The following CCSER1 variants were observed in gnomAD, a reference collection of about 807,000 sequenced individuals.
CCSER1 encodes the protein serine-rich coiled-coil domain-containing protein 1.
Under a neutral mutation model 82.0 loss-of-function variants are expected in CCSER1, and 41 were observed. The ratio of observed to expected loss-of-function variants is 0.50; its 90% CI spans 0.39 to 0.65. CCSER1 has a LOEUF of 0.65. Among genes scored for constraint, CCSER1 ranks in the 30% least tolerant of loss-of-function variants. CCSER1 has a pLI of 0.00. For synonymous variants in CCSER1, 414 were observed against 383.9 expected (o/e 1.08, Z -0.92); for missense variants, 1,119 against 1,064.2 (o/e 1.05, Z -0.72).
chr4:90,130,568 T>G (rs1354185601), intron 1 of CCSER1, among the ~76,000 whole-genome samples: 6 of 152,216 alleles, frequency 3.9e-5, no homozygotes, highest in Admixed American at 2.0e-4. Flanking sequence ...CTGGATATTT[T>G]GCAGAGTGCA....
At chr4:91,294,405 C>G (rs1744002612) in intron 10 of CCSER1, among the ~76,000 whole-genome samples, 1 of 151,696 alleles carries the variant, frequency 6.6e-6, no homozygotes, top group African/African-American at 2.4e-5. Context: ...AAACCTTGTC[C>G]CATTTTAAAA....
intron 10 of CCSER1, among the ~76,000 whole-genome samples, chr4:91,086,317 AACTG>A (rs919738728): frequency 3.3e-5 from 5 of 152,100 alleles, no homozygotes; most frequent in Admixed American, 2.6e-4. Flanking sequence ...CAATTTTTAA[AACTG>A]ACTTACTGAG....
chr4:90,265,860 G>A (rs1255205817), intron 1 of CCSER1, among the ~76,000 whole-genome samples: 4 of 152,036 alleles, frequency 2.6e-5, no homozygotes, highest in South Asian at 2.1e-4. Flanking sequence ...ATCACATCCT[G>A]AGACTCTGCT....
intron 9 of CCSER1, among the ~76,000 whole-genome samples, chr4:90,998,581 A>G (rs998259756): frequency 1.3e-5 from 2 of 152,232 alleles, no homozygotes; most frequent in African/African-American, 4.8e-5. Context: ...AAATGATTAT[A>G]TGAAATACAT....
chr4:90,156,974 G>T (rs973291411), intron 1 of CCSER1, among the ~76,000 whole-genome samples: 1 of 152,148 alleles, frequency 6.6e-6, no homozygotes, highest in Non-Finnish European at 1.5e-5. Context: ...AGCCTCGATG[G>T]TTTTTACAAT....
In CCSER1 at chr4:91,438,750, G is replaced by A. The variant is rs562901902; in HGVS notation, c.2218-159822G>A. ...AACTTTCAAAAAAATTTAGACAAAT[G>A]TATAACTAGAATAACCAATACAGAG... On this transcript the variant is annotated intron_variant, in intron 10 of 10. Transcript: ENST00000509176. 2.0e-5 allele frequency among the ~76,000 whole-genome samples: 3 copies of A among 152,272 alleles called. No individual in the cohort carries two copies. The South Asian group carries it at 6.2e-4, about 32-fold the overall frequency.
intron 3 of CCSER1, among the ~76,000 whole-genome samples, chr4:90,323,843 C>T (rs1184197244): frequency 2.6e-5 from 4 of 152,122 alleles, no homozygotes; most frequent in African/African-American, 9.7e-5. Context: ...CAACAGTCCC[C>T]AGAGTGTGAT....
chr4:90,225,615 T>C (rs1008675889), intron 1 of CCSER1, among the ~76,000 whole-genome samples: 2 of 152,178 alleles, frequency 1.3e-5, no homozygotes, highest in African/African-American at 4.8e-5. Context: ...AACTAGTCTT[T>C]GGTCTTATAG....
intron 5 of CCSER1, among the ~76,000 whole-genome samples, chr4:90,536,809 G>C (rs1031852226): frequency 1.3e-5 from 2 of 152,050 alleles, no homozygotes; most frequent in Admixed American, 1.3e-4. Context: ...TACCTTACAT[G>C]GTTATTGTTA....
chr4:90,843,589 G>T (rs1217870400), intron 8 of CCSER1, among the ~76,000 whole-genome samples: 1 of 152,028 alleles, frequency 6.6e-6, no homozygotes, highest in African/African-American at 2.4e-5. Context: ...GGTGTATTGT[G>T]GAACTTTTCT....
chr4:90,538,641 G>A (rs566110694), intron 5 of CCSER1, among the ~76,000 whole-genome samples: 24 of 151,912 alleles, frequency 1.6e-4, no homozygotes, highest in Admixed American at 7.2e-4. Context: ...CAACCTTAAC[G>A]GCTAGCTCAT....
intron 5 of CCSER1, among the ~76,000 whole-genome samples, chr4:90,626,848 A>C (rs1723377810): frequency 6.6e-6 from 1 of 152,204 alleles, no homozygotes; most frequent in Admixed American, 6.5e-5. Context: ...AGAACTATAT[A>C]AATATTAGCT....
At chr4:90,312,514 G>C (rs1371175767) in intron 2 of CCSER1, among the ~76,000 whole-genome samples, 1 of 152,124 alleles carries the variant, frequency 6.6e-6, no homozygotes, top group East Asian at 1.9e-4. Flanking sequence ...AGAGGTAGGA[G>C]AATTGTAGCA....
chr4:90,801,487 A>G (rs1430538572), intron 7 of CCSER1, among the ~76,000 whole-genome samples: 1 of 152,186 alleles, frequency 6.6e-6, no homozygotes, highest in Non-Finnish European at 1.5e-5. Flanking sequence ...TAAGAGTACC[A>G]TTCATTGTCA....
At chr4:91,180,769 A>G (rs1332003529) in intron 10 of CCSER1, among the ~76,000 whole-genome samples, 3 of 152,234 alleles carry the variant, frequency 2.0e-5, no homozygotes, top group East Asian at 1.9e-4. Context: ...GAGGTGTGAA[A>G]TGGGAAATCA....
chr4:91,580,369 C>T (rs1406207422), intron 10 of CCSER1, among the ~76,000 whole-genome samples: 1 of 151,798 alleles, frequency 6.6e-6, no homozygotes, highest in Non-Finnish European at 1.5e-5. Flanking sequence ...AAGCACATTC[C>T]ATACAGTAGC....
At chr4:90,797,897 C>G (rs60630308) in intron 7 of CCSER1, among the ~76,000 whole-genome samples, 4,113 of 152,258 alleles carry the variant, frequency 0.027, 163 homozygotes, top group African/African-American at 0.087. Flanking sequence ...CTCTAGCTCC[C>G]TTTAACATTT....
At chr4:90,674,471 G>A (rs1211546668) in intron 6 of CCSER1, among the ~76,000 whole-genome samples, 1 of 151,924 alleles carries the variant, frequency 6.6e-6, no homozygotes, top group Non-Finnish European at 1.5e-5. Context: ...GTGTAAAAGA[G>A]GGGAGGAGAG....
chr4:91,302,001 T>C (rs1054070744), intron 10 of CCSER1, among the ~76,000 whole-genome samples: 1 of 151,838 alleles, frequency 6.6e-6, no homozygotes, highest in Non-Finnish European at 1.5e-5. Context: ...ATTTCCTTTT[T>C]CCCTTGTTTA....
Sources: allele counts gnomAD v4.1 joint callset (sites outside exome capture counted in the v4.1 genomes callset), GRCh38; gene constraint gnomAD v4.1.1; transcripts MANE v1.5; gene names NCBI Gene and HGNC (gene_info 2026-07-23, HGNC 2026-07-21).